The following KCNJ6 variants were observed in gnomAD, a reference collection of about 807,000 sequenced individuals.
KCNJ6 encodes the protein G protein-activated inward rectifier potassium channel 2.
KCNJ6 carries 9 observed loss-of-function variants against 34.2 expected under a neutral mutation model. The ratio of observed to expected loss-of-function variants is 0.26; its 90% CI spans 0.16 to 0.46. The LOEUF is 0.46. KCNJ6 is among the 20% of genes least tolerant of loss of function. The pLI, the probability that KCNJ6 is intolerant of heterozygous loss-of-function variation, is 1.00. For missense variants in KCNJ6, 236 were observed against 531.3 expected, an observed-to-expected ratio of 0.44 and a Z score of 5.46; for synonymous variants, 196 against 207.1, an observed-to-expected ratio of 0.95 and a Z score of 0.46.
intron 3 of KCNJ6, among the ~76,000 whole-genome samples, chr21:37,674,274 T>G (rs1356997456): frequency 6.6e-6 from 1 of 152,198 alleles, no homozygotes; most frequent in Admixed American, 6.5e-5. Flanking sequence ...CTTACCCACA[T>G]TTAGCATTGA....
At chr21:37,807,062 AT>A (rs936410191) in intron 2 of KCNJ6, among the ~76,000 whole-genome samples, 2 of 152,146 alleles carry the variant, frequency 1.3e-5, no homozygotes, top group African/African-American at 4.8e-5. Flanking sequence ...TTGTTTTTCA[AT>A]TTCTTTCTCC....
At chr21:37,646,089 G>T (rs886488087) in intron 3 of KCNJ6, among the ~76,000 whole-genome samples, 1 of 152,154 alleles carries the variant, frequency 6.6e-6, no homozygotes, top group African/African-American at 2.4e-5. Context: ...AATACATTTA[G>T]AAGTCAGAGA....
intron 1 of KCNJ6, among the ~76,000 whole-genome samples, chr21:37,897,169 T>C (rs2055792932): frequency 6.6e-6 from 1 of 152,322 alleles, no homozygotes; most frequent in East Asian, 1.9e-4. Context: ...CAAGGCCACT[T>C]TGGCTTCTAA....
chr21:37,737,055 G>T (rs2123472905), intron 2 of KCNJ6, among the ~76,000 whole-genome samples: 1 of 152,256 alleles, frequency 6.6e-6, no homozygotes, highest in East Asian at 1.9e-4. Flanking sequence ...CTCTTTTATT[G>T]TGTGATGTTC....
At chr21:37,720,768 C>T (rs1416263087) in intron 2 of KCNJ6, among the ~76,000 whole-genome samples, 6 of 149,694 alleles carry the variant, frequency 4.0e-5, no homozygotes, top group African/African-American at 9.8e-5. Context: ...ACTGCAGTGG[C>T]GCAATCTCGG....
At chr21:37,803,464 C>T (rs1054420900) in intron 2 of KCNJ6, among the ~76,000 whole-genome samples, 6 of 152,276 alleles carry the variant, frequency 3.9e-5, no homozygotes, top group East Asian at 1.9e-4. Flanking sequence ...TATAGTGAGT[C>T]GGCCAGAATC....
intron 3 of KCNJ6, among the ~76,000 whole-genome samples, chr21:37,690,146 T>C (rs1208699762): frequency 2.0e-5 from 3 of 152,238 alleles, no homozygotes; most frequent in East Asian, 1.9e-4. Flanking sequence ...AAAATATCTA[T>C]ATATTTGATA....
intron 1 of KCNJ6, among the ~76,000 whole-genome samples, chr21:37,862,664 T>A (rs944150180): frequency 5.9e-5 from 9 of 152,032 alleles, no homozygotes; most frequent in Non-Finnish European, 5.9e-5. Context: ...CAGAGAAATA[T>A]GAAGAAACTG....
intron 3 of KCNJ6, among the ~76,000 whole-genome samples, chr21:37,676,133 C>T (rs2054563695): frequency 6.6e-6 from 1 of 152,128 alleles, no homozygotes; most frequent in South Asian, 2.1e-4. Context: ...TGGGCAGGCC[C>T]ATGGCGTGGG....
At chr21:37,864,646 T>C (rs777907184) in intron 1 of KCNJ6, among the ~76,000 whole-genome samples, 1 of 152,214 alleles carries the variant, frequency 6.6e-6, no homozygotes, top group Non-Finnish European at 1.5e-5. Context: ...CAGGCCCTTC[T>C]GGTAGGGCCA....
intron 2 of KCNJ6, among the ~76,000 whole-genome samples, chr21:37,838,976 A>G (rs1203135512): frequency 6.6e-6 from 1 of 152,160 alleles, no homozygotes; most frequent in African/African-American, 2.4e-5. Flanking sequence ...GCCATGTGAC[A>G]TGCCTGCTCC....
chr21:37,641,804 T>C (rs2083142105), intron 3 of KCNJ6, among the ~76,000 whole-genome samples: 1 of 151,898 alleles, frequency 6.6e-6, no homozygotes, highest in South Asian at 2.1e-4. Flanking sequence ...GTGGGGGAAA[T>C]AGAAAGCTGC....
chr21:37,897,385 A>C (rs530823876), intron 1 of KCNJ6, among the ~76,000 whole-genome samples: 1 of 152,314 alleles, frequency 6.6e-6, no homozygotes, highest in South Asian at 2.1e-4. Flanking sequence ...CAGCAATGGC[A>C]ATGAGCAGAG....
intron 1 of KCNJ6, among the ~76,000 whole-genome samples, chr21:37,873,817 A>T (rs757183117): frequency 6.6e-6 from 1 of 152,018 alleles, no homozygotes; most frequent in Admixed American, 6.5e-5. Flanking sequence ...ACCAGATCAC[A>T]TCTATCCACG....
At chr21:37,872,515 T>C (rs927743508) in intron 1 of KCNJ6, among the ~76,000 whole-genome samples, 16 of 152,182 alleles carry the variant, frequency 1.1e-4, no homozygotes, top group African/African-American at 3.4e-4. Flanking sequence ...CTGATGATCA[T>C]GGCTTAATAA....
At chr21:37,822,353 G>T (rs1164818720) in intron 2 of KCNJ6, among the ~76,000 whole-genome samples, 2 of 152,094 alleles carry the variant, frequency 1.3e-5, no homozygotes, top group African/African-American at 2.4e-5. Context: ...GGGGAAGGTG[G>T]GGGTGCTGCC....
At chr21:37,894,329 C>T (rs549240753) in intron 1 of KCNJ6, among the ~76,000 whole-genome samples, 4 of 152,290 alleles carry the variant, frequency 2.6e-5, no homozygotes, top group African/African-American at 9.6e-5. Context: ...CAGATAACTG[C>T]TGTGCACATT....
At chr21:37,780,510 A>G (rs1254359976) in intron 2 of KCNJ6, among the ~76,000 whole-genome samples, 1 of 152,084 alleles carries the variant, frequency 6.6e-6, no homozygotes, top group Non-Finnish European at 1.5e-5. Context: ...CAGTATTGTT[A>G]CAATCATATC....
intron 2 of KCNJ6, among the ~76,000 whole-genome samples, chr21:37,821,196 T>C (rs1018293006): frequency 3.3e-5 from 5 of 152,320 alleles, no homozygotes; most frequent in African/African-American, 1.2e-4. Context: ...GGAAAATAAC[T>C]TTTTTATTTA....
Sources: gnomAD v4.1 joint callset for allele counts (sites outside exome capture counted in the v4.1 genomes callset) on GRCh38, gnomAD v4.1.1 for gene constraint, MANE v1.5 for transcripts, NCBI Gene and HGNC (gene_info 2026-07-23, HGNC 2026-07-21) for gene names.